ZDHHC17: variants seen among roughly 807,000 people sequenced by gnomAD.
ZDHHC17 encodes the protein palmitoyltransferase ZDHHC17.
In ZDHHC17, 40 loss-of-function variants were observed where a neutral mutation model predicts 90.3. The observed-to-expected ratio is 0.44, with a 90% CI of 0.34 to 0.58. The LOEUF is 0.58. ZDHHC17 is among the 20% of genes least tolerant of loss of function. The pLI, the probability that ZDHHC17 is intolerant of heterozygous loss-of-function variation, is 0.01. For synonymous variants in ZDHHC17, 235 were observed against 252.4 expected, an observed-to-expected ratio of 0.93 and a Z score of 0.65; for missense variants, 614 against 780.8, an observed-to-expected ratio of 0.79 and a Z score of 2.55.
At chr12:76,799,258 G>T (rs574814514) in intron 2 of ZDHHC17, among the ~76,000 whole-genome samples, 1 of 152,266 alleles carries the variant, frequency 6.6e-6, no homozygotes, top group East Asian at 1.9e-4. Flanking sequence ...TTTACTTCAA[G>T]AAGAAAGCAT....
rs1953006425 is a variant in ZDHHC17 at position 76,810,466 on chromosome 12, A to G, written c.543+609A>G. ...TTTTTTCTGGTTATATTTGAACATT[A>G]ATTTTATAAGTAAGGATCTCATCAC... On this transcript the variant is annotated intron_variant, in intron 5 of 16. Transcript: ENST00000426126. Among the ~76,000 whole-genome samples the G allele has an allele frequency of 1.3e-5, 2 of 152,172 alleles. 1 individual carries two copies. Among genetic ancestry groups the G allele is most frequent in the South Asian group, 4.1e-4 (2 of 4,832 alleles).
chr12:76,844,813 G>A (rs569271702), intron 12 of ZDHHC17: 2 of 152,222 alleles, frequency 1.3e-5, no homozygotes, highest in East Asian at 3.9e-4. Context: ...TTGAAACGCT[G>A]AAGTATATTT....
chr12:76,819,986 T>TC (rs1953142025), intron 7 of ZDHHC17, among the ~76,000 whole-genome samples: 2 of 104,940 alleles, frequency 1.9e-5, no homozygotes, highest in Non-Finnish European at 3.9e-5. Context: ...AGAGTGAAAC[T>TC]ATGTCTTAAA....
intron 12 of ZDHHC17, among the ~76,000 whole-genome samples, chr12:76,843,210 C>G (rs1473815571): frequency 6.6e-6 from 1 of 152,114 alleles, no homozygotes; most frequent in African/African-American, 2.4e-5. Flanking sequence ...TATTTGTATT[C>G]ATTCTCTTTC....
At chr12:76,764,380 CT>C (rs1952404002) in intron 1 of ZDHHC17, 51 bp downstream of exon 1, 1 of 1,506,106 alleles carries the variant, frequency 6.6e-7, no homozygotes, top group South Asian at 1.2e-5. Flanking sequence ...TCCAGCCTTT[CT>C]TCCCCGGACT....
intron 1 of ZDHHC17, among the ~76,000 whole-genome samples, chr12:76,771,716 G>A (rs1024480551): frequency 6.6e-6 from 1 of 151,728 alleles, no homozygotes; most frequent in Non-Finnish European, 1.5e-5. Flanking sequence ...AACAAAACTG[G>A]TGGTTACCAA....
At chr12:76,780,919 A>C (rs1347176050) in intron 1 of ZDHHC17, among the ~76,000 whole-genome samples, 1 of 151,904 alleles carries the variant, frequency 6.6e-6, no homozygotes, top group Non-Finnish European at 1.5e-5. Flanking sequence ...CAGGAGATCG[A>C]GACCATCCTC....
rs542037232 is a variant in ZDHHC17 at position 76,815,042 on chromosome 12, T to G, written c.544-104T>G. The G allele has an allele frequency of 2.3e-4, 149 of 650,744 alleles. 1 individual carries two copies. In the South Asian group the frequency reaches 2.4e-3, roughly 11 times the overall value. The allele number at this position is 650,744 out of a possible 1,614,324, so 40.3% of individuals were successfully genotyped here. On this transcript the variant is annotated intron_variant, in intron 5 of 16. Coordinates refer to ENST00000426126, the MANE Select transcript of ZDHHC17 (RefSeq NM_015336.4). ...ATACATTATCCTTGATTGAGTAGTA[T>G]TATATTCGCTTCTCCTTTTATATAT...
chr12:76,804,728 T>TG (rs1198036457), intron 2 of ZDHHC17, among the ~76,000 whole-genome samples: 1 of 152,148 alleles, frequency 6.6e-6, no homozygotes, highest in Non-Finnish European at 1.5e-5. Flanking sequence ...AGTGAGGAGC[T>TG]GGGGGAGGGA....
At chr12:76,802,538 TC>T (rs1359288570) in intron 2 of ZDHHC17, among the ~76,000 whole-genome samples, 8 of 148,942 alleles carry the variant, frequency 5.4e-5, no homozygotes, top group African/African-American at 1.7e-4. Context: ...CTCTCTCTTT[TC>T]CTGGAACTTC....
intron 2 of ZDHHC17, among the ~76,000 whole-genome samples, chr12:76,801,388 T>C (rs1470947098): frequency 6.6e-6 from 1 of 151,642 alleles, no homozygotes; most frequent in African/African-American, 2.4e-5. Flanking sequence ...GCACGGTGGC[T>C]CATGCCTGTA....
chr12:76,779,713 G>A (rs1592461047), intron 1 of ZDHHC17, among the ~76,000 whole-genome samples: 1 of 152,110 alleles, frequency 6.6e-6, no homozygotes, highest in Admixed American at 6.6e-5. Context: ...TTTATGAATT[G>A]TGCTTTTCAT....
intron 5 of ZDHHC17, chr12:76,813,391 G>A: frequency 2.2e-6 from 1 of 448,670 alleles, no homozygotes; most frequent in South Asian, 1.6e-5. Context: ...CACTATTAAA[G>A]TAAATCCAGA....
chr12:76,797,698 T>C (rs1952837212), intron 2 of ZDHHC17, among the ~76,000 whole-genome samples, 161 bp downstream of exon 2: 1 of 152,140 alleles, frequency 6.6e-6, no homozygotes. Context: ...ATCTCAGTAC[T>C]TTGCAAGGCC....
At chr12:76,782,939 T>C (rs1303539951) in intron 1 of ZDHHC17, among the ~76,000 whole-genome samples, 1 of 152,068 alleles carries the variant, frequency 6.6e-6, no homozygotes, top group East Asian at 1.9e-4. Context: ...TCCCCACCTT[T>C]AGTATCTGAT....
chr12:76,806,085 T>A (rs1010658591), intron 3 of ZDHHC17, among the ~76,000 whole-genome samples: 1 of 152,150 alleles, frequency 6.6e-6, no homozygotes, highest in African/African-American at 2.4e-5. Flanking sequence ...ACACAAAATA[T>A]TTACAGAAAG....
At chr12:76,821,207 A>G in intron 7 of ZDHHC17, 2 of 1,152,814 alleles carry the variant, frequency 1.7e-6, no homozygotes, top group Non-Finnish European at 2.2e-6. Flanking sequence ...GGTTCTGACA[A>G]CTTAGGTGAT....
intron 1 of ZDHHC17, among the ~76,000 whole-genome samples, chr12:76,774,903 AT>A (rs1308577143): frequency 6.6e-6 from 1 of 152,210 alleles, no homozygotes; most frequent in Non-Finnish European, 1.5e-5. Flanking sequence ...TGCATGTGGC[AT>A]CTTTGTGATT....
rs116441541 is a variant in ZDHHC17 at position 76,846,528 on chromosome 12, C to T, written c.1424-68C>T. On this transcript the variant is annotated intron_variant, in intron 13 of 16. Transcript: ENST00000426126. ...CTGTAGCACACCTTTCATGGCATAC[C>T]CCTCAAAGGTGCATTACCCGTTGTT... 3.0e-5 allele frequency: 34 copies of T among 1,125,788 alleles called. 1 individual carries two copies. Among genetic ancestry groups the T allele is most frequent in the South Asian group, 2.9e-4 (21 of 73,586 alleles). 69.7% of individuals were successfully genotyped at this position (1,125,788 alleles called of 1,614,324 possible).
Sources: allele counts gnomAD v4.1 joint callset (sites outside exome capture counted in the v4.1 genomes callset), GRCh38; gene constraint gnomAD v4.1.1; transcripts MANE v1.5; gene names NCBI Gene and HGNC (gene_info 2026-07-23, HGNC 2026-07-21).